HSF2BP: variants seen among roughly 807,000 people sequenced by gnomAD.
The protein encoded by HSF2BP is heat shock factor 2-binding protein.
Under a neutral mutation model 35.0 loss-of-function variants are expected in HSF2BP, and 35 were observed. That is an observed-to-expected ratio of 1.00 (90% CI 0.76 to 1.32). The LOEUF is 1.32. Ranked by LOEUF, HSF2BP falls within the 40% of genes most tolerant of loss-of-function variation. The pLI, the probability that HSF2BP is intolerant of heterozygous loss-of-function variation, is 0.00. For synonymous variants in HSF2BP, 114 were observed against 117.4 expected, an observed-to-expected ratio of 0.97 and a Z score of 0.18; for missense variants, 326 against 321.7, an observed-to-expected ratio of 1.01 and a Z score of -0.10.
intron 7 of HSF2BP, among the ~76,000 whole-genome samples, chr21:43,603,692 T>C (rs181450061): frequency 6.3e-4 from 96 of 152,266 alleles, no homozygotes; most frequent in African/African-American, 2.3e-3. Flanking sequence ...TTGAGGGGCC[T>C]CCAAGGTCAG....
chr21:43,630,376 C>T lies in HSF2BP; in HGVS notation c.520G>A (p.Glu174Lys). 1 of 1,613,400 alleles carries T rather than the reference C, an allele frequency of 6.2e-7. No individual in the cohort carries two copies. Among genetic ancestry groups the T allele is most frequent in the Non-Finnish European group, 8.5e-7 (1 of 1,179,806 alleles). The change falls in exon 6 of 9, where the codon GAG (glutamate) becomes AAG (lysine). Residue 174 changes from glutamate (E) to lysine (K), a missense_variant. Coordinates refer to ENST00000291560, the MANE Select transcript of HSF2BP (RefSeq NM_007031.2). ...AACTGACTTTCATCCGAATCCAGCT[C>T]CTGGACATCACCGTCTAACGACTTC... The part of the protein sequence containing the change: ...FVKSLDGDVQ[E>K]LDSDESQFVF...
intron 7 of HSF2BP, among the ~76,000 whole-genome samples, chr21:43,593,792 A>G (rs2081954802): frequency 6.6e-6 from 1 of 152,158 alleles, no homozygotes; most frequent in Non-Finnish European, 1.5e-5. Flanking sequence ...AGATTAAAGA[A>G]AGATAAAAGT....
intron 5 of HSF2BP, 25 bp downstream of exon 5, chr21:43,633,247 T>C (rs768272346): frequency 6.2e-7 from 1 of 1,600,766 alleles, no homozygotes; most frequent in Non-Finnish European, 8.5e-7. Context: ...CAACAATATC[T>C]GGAGAGCCCA....
chr21:43,604,446 GCA>G (rs2082095186), intron 7 of HSF2BP, among the ~76,000 whole-genome samples: 1 of 51,138 alleles, frequency 2.0e-5, no homozygotes, highest in Non-Finnish European at 3.8e-5. Context: ...CACACACCAC[GCA>G]CACACCACAC....
intron 3 of HSF2BP, among the ~76,000 whole-genome samples, chr21:43,647,830 G>A (rs906179222): frequency 1.3e-5 from 2 of 151,192 alleles, no homozygotes; most frequent in African/African-American, 4.9e-5. Flanking sequence ...TCGGGAGGCT[G>A]AGGTATGAGG....
At chr21:43,585,396 AC>A (rs1384792315) in intron 8 of HSF2BP, among the ~76,000 whole-genome samples, 1 of 152,066 alleles carries the variant, frequency 6.6e-6, no homozygotes, top group African/African-American at 2.4e-5. Context: ...TTTCCATCAT[AC>A]CCCTGGCTCC....
intron 3 of HSF2BP, among the ~76,000 whole-genome samples, chr21:43,644,937 T>C (rs562459043): frequency 3.3e-5 from 5 of 152,102 alleles, no homozygotes; most frequent in Non-Finnish European, 5.9e-5. Flanking sequence ...ATGTAATACT[T>C]CCTCTCCACC....
intron 7 of HSF2BP, among the ~76,000 whole-genome samples, chr21:43,610,195 G>T (rs1271652454): frequency 1.3e-5 from 2 of 152,112 alleles, no homozygotes; most frequent in African/African-American, 4.8e-5. Flanking sequence ...GGAAAAACTG[G>T]AATGGTACAA....
Position 43,609,473 on chromosome 21 carries a change from AAAAT to A in HSF2BP, c.692+4353_692+4356del, listed in dbSNP as rs2082176300. ...TTTTAAAAAATGGGCAACTAGGAAAAAAATAACCCCTATCTCTGGGTCTAAGGTA... is the reference window on the plus strand; with the variant it reads ...TTTTAAAAAATGGGCAACTAGGAAAAAACCCCTATCTCTGGGTCTAAGGTA... On this transcript the variant is annotated intron_variant, in intron 7 of 8. Coordinates refer to ENST00000291560, the MANE Select transcript of HSF2BP (RefSeq NM_007031.2). 6.6e-5 allele frequency among the ~76,000 whole-genome samples: 10 copies of A among 150,734 alleles called. No homozygotes were observed. In the South Asian group the frequency reaches 2.1e-3, roughly 31 times the overall value.
At chr21:43,654,468 C>T (rs568080087) in intron 3 of HSF2BP, among the ~76,000 whole-genome samples, 2 of 152,230 alleles carry the variant, frequency 1.3e-5, no homozygotes, top group South Asian at 4.2e-4. Flanking sequence ...TATTTTGCTT[C>T]ATTTATGCTT....
At chr21:43,637,473 C>G (rs1216550076) in intron 4 of HSF2BP, among the ~76,000 whole-genome samples, 1 of 139,848 alleles carries the variant, frequency 7.2e-6, no homozygotes, top group Non-Finnish European at 1.5e-5. Flanking sequence ...AAATCCAACA[C>G]TCAGTAATTA....
chr21:43,635,361 A>C (rs151193563), intron 4 of HSF2BP, among the ~76,000 whole-genome samples: 1 of 152,356 alleles, frequency 6.6e-6, no homozygotes, highest in East Asian at 1.9e-4. Context: ...TCAAGACAGA[A>C]TATCTAAAAA....
Position 43,658,293 on chromosome 21 carries a change from G to A in HSF2BP, c.-197C>T, listed in dbSNP as rs921006962. The A allele has an allele frequency of 2.2e-5, 13 of 599,920 alleles. No homozygotes were observed. Among genetic ancestry groups the A allele is most frequent in the Non-Finnish European group, 3.7e-5 (13 of 353,860 alleles). 37.2% of individuals were successfully genotyped at this position (599,920 alleles called of 1,614,324 possible). Reference sequence around the variant, plus strand: ...GGCGAGGTCCCTCTTTGGCTCTTCTGGCTTAGCCGGGGTTTTAAACTTGTT... The same window carrying A: ...GGCGAGGTCCCTCTTTGGCTCTTCTAGCTTAGCCGGGGTTTTAAACTTGTT... On this transcript the variant is annotated 5_prime_UTR_variant, in exon 2 of 9. Transcript: ENST00000291560.
At chr21:43,608,632 A>G (rs2082164277) in intron 7 of HSF2BP, among the ~76,000 whole-genome samples, 1 of 152,176 alleles carries the variant, frequency 6.6e-6, no homozygotes, top group Non-Finnish European at 1.5e-5. Flanking sequence ...TGTTCTACCA[A>G]AAAGACACCT....
intron 7 of HSF2BP, among the ~76,000 whole-genome samples, chr21:43,602,602 G>C (rs752761454): frequency 1.1e-4 from 16 of 152,168 alleles, no homozygotes; most frequent in Non-Finnish European, 2.1e-4. Flanking sequence ...GAACCACATA[G>C]AGCCCAAACT....
Position 43,602,220 on chromosome 21 carries a change from C to G in HSF2BP, c.693-9892G>C, listed in dbSNP as rs1467400222. Among the ~76,000 whole-genome samples the G allele has an allele frequency of 2.6e-5, 4 of 152,336 alleles. No individual in the cohort carries two copies. In the South Asian group the frequency reaches 6.2e-4, roughly 24 times the overall value. ...TGGTACAAGCTTCACAGCTTCCTCT[C>G]CACACTTAGTTCTAAAAGGCTGCTA... On this transcript the variant is annotated intron_variant, in intron 7 of 8. Coordinates refer to ENST00000291560, the MANE Select transcript of HSF2BP (RefSeq NM_007031.2).
At chr21:43,577,002 T>A (rs1441889596) in intron 8 of HSF2BP, among the ~76,000 whole-genome samples, 1 of 152,212 alleles carries the variant, frequency 6.6e-6, no homozygotes, top group Non-Finnish European at 1.5e-5. Flanking sequence ...GGTCAACGAA[T>A]TTAATTCTCG....
intron 4 of HSF2BP, among the ~76,000 whole-genome samples, chr21:43,636,243 GAAAAGAA>G (rs2082555584): frequency 8.4e-6 from 1 of 118,634 alleles, no homozygotes; most frequent in Non-Finnish European, 1.6e-5. Context: ...GAAAAGAAAA[GAAAAGAA>G]AAGAAAAGAA....
At chr21:43,617,665 G>T (rs978836054) in intron 6 of HSF2BP, among the ~76,000 whole-genome samples, 1 of 151,864 alleles carries the variant, frequency 6.6e-6, no homozygotes, top group African/African-American at 2.4e-5. Context: ...CATAATTCAA[G>T]AAATGGGGCC....
Sources: gnomAD v4.1 joint callset for allele counts (sites outside exome capture counted in the v4.1 genomes callset) on GRCh38, gnomAD v4.1.1 for gene constraint, MANE v1.5 for transcripts, NCBI Gene and HGNC (gene_info 2026-07-23, HGNC 2026-07-21) for gene names.